The following VEZT variants were observed in gnomAD, a reference collection of about 807,000 sequenced individuals.
The protein encoded by VEZT is vezatin.
VEZT carries 39 observed loss-of-function variants against 79.9 expected under a neutral mutation model. The observed-to-expected ratio is 0.49, with a 90% confidence interval of 0.38 to 0.64. The LOEUF (loss-of-function observed/expected upper bound fraction) is 0.64, where lower values mean the gene tolerates loss of function less well. VEZT is among the 30% of genes least tolerant of loss of function. The pLI, the probability that VEZT is intolerant of heterozygous loss-of-function variation, is 0.00. For missense variants in VEZT, 837 were observed against 893.1 expected (o/e 0.94, Z 0.80); for synonymous variants, 325 against 327.6 (o/e 0.99, Z 0.09).
intron 7 of VEZT, among the ~76,000 whole-genome samples, chr12:95,276,271 T>C (rs1190000038): frequency 7.5e-6 from 1 of 133,018 alleles, no homozygotes; most frequent in Non-Finnish European, 1.6e-5. Context: ...TTTTTTTTTT[T>C]TTTTTTTTTT....
At chr12:95,263,436 G>C (rs1213603650) in intron 4 of VEZT, among the ~76,000 whole-genome samples, 1 of 152,150 alleles carries the variant, frequency 6.6e-6, no homozygotes, top group Admixed American at 6.5e-5. Flanking sequence ...GATTGCTTAA[G>C]GCCAAGAGTT....
Position 95,282,351 on chromosome 12 carries a change from C to T in VEZT, c.1035C>T (p.Phe345=), listed in dbSNP as rs760202370. The T allele has an allele frequency of 1.2e-6, 2 of 1,613,554 alleles. No homozygotes were observed. Among genetic ancestry groups the T allele is most frequent in the African/African-American group, 2.7e-5 (2 of 74,888 alleles). The change falls in exon 8 of 12, where the codon TTC becomes TTT. Residue 345 remains phenylalanine, a synonymous_variant. Coordinates refer to ENST00000436874, the MANE Select transcript of VEZT (RefSeq NM_017599.4). ...TCTGGGTGGCACAGAGTTCAGAGTTCTTCAGACGGTTAGCCCTATTACTTT... is the reference window on the plus strand; with the variant it reads ...TCTGGGTGGCACAGAGTTCAGAGTTTTTCAGACGGTTAGCCCTATTACTTT... The part of the protein sequence containing the change: ...FQLWVAQSSE[F]FRRLALLLST...
chr12:95,229,045 A>C (rs2058878088), intron 1 of VEZT, among the ~76,000 whole-genome samples: 1 of 152,198 alleles, frequency 6.6e-6, no homozygotes, highest in South Asian at 2.1e-4. Context: ...TTTATAACCA[A>C]GATATGCAAG....
chr12:95,288,077 G>C (rs2071453748), intron 9 of VEZT, among the ~76,000 whole-genome samples: 1 of 152,060 alleles, frequency 6.6e-6, no homozygotes, highest in Non-Finnish European at 1.5e-5. Flanking sequence ...TGAAAGTTCA[G>C]TGAATCATAT....
intron 1 of VEZT, among the ~76,000 whole-genome samples, chr12:95,227,856 C>T (rs1054444381): frequency 2.6e-5 from 4 of 152,172 alleles, no homozygotes; most frequent in Admixed American, 2.0e-4. Context: ...ATCTGAAAGA[C>T]TAATTTTTCT....
chr12:95,241,659 G>A (rs928603022), intron 1 of VEZT, among the ~76,000 whole-genome samples: 1 of 152,136 alleles, frequency 6.6e-6, no homozygotes, highest in African/African-American at 2.4e-5. Context: ...CCAAATGTGG[G>A]GAGGGGGAGT....
chr12:95,245,704 G>A (rs2061623690), intron 1 of VEZT, among the ~76,000 whole-genome samples: 1 of 152,212 alleles, frequency 6.6e-6, no homozygotes, highest in African/African-American at 2.4e-5. Flanking sequence ...CTGTAGCCAG[G>A]TAGAACTGCT....
chr12:95,295,963 C>A (rs2074051853), intron 10 of VEZT, 88 bp from the exon 11 acceptor site: 1 of 1,001,402 alleles, frequency 1.0e-6, no homozygotes, highest in Non-Finnish European at 1.4e-6. Context: ...TTTTTTTAAT[C>A]TCAGAGATAA....
intron 9 of VEZT, among the ~76,000 whole-genome samples, chr12:95,290,010 A>G (rs754701073): frequency 9.9e-5 from 15 of 152,188 alleles, no homozygotes; most frequent in Admixed American, 2.0e-4. Context: ...AAACAGGAAC[A>G]TTCTCCTGTG....
chr12:95,218,245 A>G (rs2057006892), intron 1 of VEZT: 1 of 188,152 alleles, frequency 5.3e-6, no homozygotes, highest in South Asian at 1.7e-4. Flanking sequence ...GTCACAACTT[A>G]GCCTCCTCCT....
intron 9 of VEZT, among the ~76,000 whole-genome samples, chr12:95,291,960 A>G (rs1423715049): frequency 6.6e-6 from 1 of 152,020 alleles, no homozygotes; most frequent in Non-Finnish European, 1.5e-5. Flanking sequence ...CACCATGCCC[A>G]GCTAGTTTTT....
chr12:95,276,978 T>C (rs1439186620), intron 7 of VEZT, among the ~76,000 whole-genome samples: 1 of 152,086 alleles, frequency 6.6e-6, no homozygotes, highest in Non-Finnish European at 1.5e-5. Context: ...ACCTTGAAAA[T>C]GTATTTTAAA....
At chr12:95,232,385 G>T (rs929206529) in intron 1 of VEZT, among the ~76,000 whole-genome samples, 1 of 152,160 alleles carries the variant, frequency 6.6e-6, no homozygotes, top group Non-Finnish European at 1.5e-5. Flanking sequence ...TTACAAGTTG[G>T]TACAAACTTG....
intron 1 of VEZT, among the ~76,000 whole-genome samples, chr12:95,243,039 T>G (rs76574241): frequency 0.068 from 10,343 of 152,208 alleles, 454 homozygotes; most frequent in Middle Eastern, 0.12. Context: ...ACTTTTATTA[T>G]AGACCTTAAA....
At chr12:95,277,641 C>A (rs75832344) in intron 7 of VEZT, among the ~76,000 whole-genome samples, 85 of 152,206 alleles carry the variant, frequency 5.6e-4, no homozygotes, top group African/African-American at 2.0e-3. Flanking sequence ...GAAAATGGAG[C>A]AGACCTGTGT....
At chr12:95,237,457 G>C (rs2060351065) in intron 1 of VEZT, among the ~76,000 whole-genome samples, 1 of 152,224 alleles carries the variant, frequency 6.6e-6, no homozygotes, top group East Asian at 1.9e-4. Flanking sequence ...TGAGAAAATT[G>C]TGCATCTGGG....
intron 1 of VEZT, among the ~76,000 whole-genome samples, chr12:95,221,671 C>G (rs1307507980): frequency 1.3e-5 from 2 of 150,636 alleles, no homozygotes; most frequent in Non-Finnish European, 3.0e-5. Flanking sequence ...TAACAAAACC[C>G]TGCATATTAA....
intron 10 of VEZT, among the ~76,000 whole-genome samples, chr12:95,294,641 A>G (rs1437193573): frequency 2.0e-5 from 3 of 152,172 alleles, no homozygotes; most frequent in Non-Finnish European, 4.4e-5. Flanking sequence ...GTTTATCTTG[A>G]TCTGAGTAGC....
At chr12:95,286,544 T>C (rs1296080662) in intron 8 of VEZT, 1 of 509,944 alleles carries the variant, frequency 2.0e-6, no homozygotes, top group Non-Finnish European at 3.9e-6. Flanking sequence ...TGATTTGCTG[T>C]CATCAGATTC....
Sources: allele counts gnomAD v4.1 joint callset (sites outside exome capture counted in the v4.1 genomes callset), GRCh38; gene constraint gnomAD v4.1.1; transcripts MANE v1.5; gene names NCBI Gene and HGNC (gene_info 2026-07-23, HGNC 2026-07-21).